KDM4A: variants seen among roughly 807,000 people sequenced by gnomAD.
KDM4A encodes lysine demethylase 4A.
A neutral mutation model predicts 127.1 loss-of-function variants in KDM4A; 23 were observed. The ratio of observed to expected loss-of-function variants is 0.18; its 90% CI spans 0.13 to 0.26. KDM4A has a LOEUF of 0.26. KDM4A is among the 10% of genes least tolerant of loss of function. The pLI, the probability that KDM4A is intolerant of heterozygous loss-of-function variation, is 1.00. For missense variants in KDM4A, 890 were observed against 1,329.1 expected (o/e 0.67, Z 5.14); for synonymous variants, 443 against 466.5 (o/e 0.95, Z 0.65).
intron 12 of KDM4A, among the ~76,000 whole-genome samples, chr1:43,685,919 A>G (rs996819752): frequency 2.6e-5 from 4 of 152,292 alleles, no homozygotes; most frequent in Admixed American, 6.5e-5. Flanking sequence ...TTCTCTGGGT[A>G]GCACCTGCCT....
intron 6 of KDM4A, 94 bp downstream of exon 6, chr1:43,665,839 T>C: frequency 7.6e-7 from 1 of 1,320,370 alleles, no homozygotes; most frequent in Non-Finnish European, 1.1e-6. Context: ...GTCAGATACT[T>C]GCAGGTCCTG....
intron 13 of KDM4A, chr1:43,690,495 G>A (rs1459954778): frequency 1.4e-5 from 5 of 349,426 alleles, no homozygotes; most frequent in Admixed American, 4.0e-5. Context: ...TGATCCACCC[G>A]CCTCGGCCTC....
intron 11 of KDM4A, among the ~76,000 whole-genome samples, chr1:43,683,246 C>A (rs1660897198): frequency 6.6e-6 from 1 of 152,248 alleles, no homozygotes; most frequent in Admixed American, 6.5e-5. Flanking sequence ...CCTAGACACT[C>A]CTGGGTGGCC....
At position 43,705,237 on chromosome 1, in the gene KDM4A, A is replaced by C. The variant is rs956165216; in HGVS notation, c.*867A>C. 7.5e-6 allele frequency: 1 copy of C among 134,146 alleles called. No individual in the cohort carries two copies. Among genetic ancestry groups the C allele is most frequent in the Non-Finnish European group, 1.5e-5 (1 of 65,436 alleles). The allele number at this position is 134,146 out of a possible 1,614,324, so 8.3% of individuals were successfully genotyped here. A position where few individuals can be genotyped will look rare whatever the true frequency, so the allele number is the denominator to read the frequency against. ...GGGGCTGGGAGGGTTAGGATGAAAA[A>C]ACTGGGGCCATTGGAGGCCCACTGT... On this transcript the variant is annotated 3_prime_UTR_variant, in exon 22 of 22. Transcript: ENST00000372396.
rs191001890 is a variant in KDM4A at position 43,657,062 on chromosome 1, C to T, written c.314+1296C>T. 4.1e-3 allele frequency among the ~76,000 whole-genome samples: 619 copies of T among 152,146 alleles called. 4 individuals carry two copies. Among genetic ancestry groups the T allele is most frequent in the Non-Finnish European group, 4.5e-3 (303 of 67,998 alleles). On this transcript the variant is annotated intron_variant, in intron 3 of 21. Coordinates refer to ENST00000372396, the MANE Select transcript of KDM4A (RefSeq NM_014663.3). ...GGAGGTATAGATAGGCATGTGCTACCGCGCTCAGCTAATATTTTTTATTAT... is the reference window on the plus strand; with the variant it reads ...GGAGGTATAGATAGGCATGTGCTACTGCGCTCAGCTAATATTTTTTATTAT...
chr1:43,703,951 C>T (rs1330991411), intron 20 of KDM4A, 69 bp from the exon 21 acceptor site: 1 of 1,404,612 alleles, frequency 7.1e-7, no homozygotes, highest in African/African-American at 1.4e-5. Context: ...AGGGGACTGC[C>T]ACTGTGCATG....
intron 10 of KDM4A, among the ~76,000 whole-genome samples, chr1:43,670,245 C>T (rs902430900): frequency 3.9e-5 from 6 of 152,118 alleles, no homozygotes; most frequent in Non-Finnish European, 7.3e-5. Flanking sequence ...TCAGGTATGA[C>T]CCAAAGATGT....
At chr1:43,683,875 G>C (rs1418139941) in intron 12 of KDM4A, 71 bp downstream of exon 12, 9 of 1,571,238 alleles carry the variant, frequency 5.7e-6, no homozygotes. Flanking sequence ...CAGGACATCA[G>C]AAGGCCAAGC....
intron 11 of KDM4A, among the ~76,000 whole-genome samples, chr1:43,674,476 A>C (rs778655582): frequency 2.6e-5 from 4 of 151,772 alleles, no homozygotes; most frequent in Non-Finnish European, 4.4e-5. Flanking sequence ...AAAATGATTG[A>C]AGAAAGTGAC....
chr1:43,672,157 G>A (rs1291054525), intron 11 of KDM4A, among the ~76,000 whole-genome samples: 3 of 152,008 alleles, frequency 2.0e-5, no homozygotes, highest in African/African-American at 7.2e-5. Context: ...AGTCACAGCA[G>A]CAGATCCTCC....
Position 43,653,216 on chromosome 1 carries a change from T to A in KDM4A, c.41T>A (p.Ile14Lys). The A allele has an allele frequency of 6.2e-7, 1 of 1,614,040 alleles. No individual in the cohort carries two copies. Among genetic ancestry groups the A allele is most frequent in the Non-Finnish European group, 8.5e-7 (1 of 1,179,938 alleles). ...GAAACTCTGAATCCCAGTGCTAGGA[T>A]AATGACCTTTTATCCAACTATGGAA... ...ESETLNPSAR[I>K]MTFYPTMEEF... The change falls in exon 2 of 22, where the codon ATA becomes AAA. Residue 14 changes from isoleucine to lysine, a missense_variant. Coordinates refer to ENST00000372396, the MANE Select transcript of KDM4A (RefSeq NM_014663.3).
chr1:43,691,428 G>C, intron 14 of KDM4A, 68 bp from the exon 15 acceptor site: 1 of 1,287,222 alleles, frequency 7.8e-7, no homozygotes. Flanking sequence ...TATATGGAAA[G>C]GAATTGCAAA....
chr1:43,655,762 G>A lies in KDM4A; in HGVS notation c.310G>A (p.Asp104Asn), dbSNP rs779410410. 1.9e-6 allele frequency: 3 copies of A among 1,607,518 alleles called. No individual in the cohort carries two copies. Among genetic ancestry groups the A allele is most frequent in the Admixed American group, 1.7e-5 (1 of 59,286 alleles). ...VREFRKIANS[D>N]KYCTPRYSEF... Reference sequence around the variant, plus strand: ...AGAGTTCCGCAAGATAGCCAATAGCGATAAGTGAGTGGAAACCCTTTCTTA... The same window carrying A: ...AGAGTTCCGCAAGATAGCCAATAGCAATAAGTGAGTGGAAACCCTTTCTTA... Residue 104 changes from aspartate (D) to asparagine (N), a missense_variant, in exon 3 of 22, where the codon GAT becomes AAT. Transcript: ENST00000372396.
intron 2 of KDM4A, 106 bp from the exon 3 acceptor site, chr1:43,655,485 T>G: frequency 2.1e-6 from 2 of 942,220 alleles, no homozygotes; most frequent in Admixed American, 5.0e-5. Flanking sequence ...AAAGTAACTG[T>G]CTAGTAAAAT....
At chr1:43,654,449 ATTCTTTT>A (rs1660188195) in intron 2 of KDM4A, among the ~76,000 whole-genome samples, 1 of 151,152 alleles carries the variant, frequency 6.6e-6, no homozygotes, top group Non-Finnish European at 1.5e-5. Context: ...TGGTTCGTTC[ATTCTTTT>A]TTCTTTTTTT....
intron 10 of KDM4A, among the ~76,000 whole-genome samples, chr1:43,669,720 C>T (rs1296751020): frequency 6.6e-6 from 1 of 150,944 alleles, no homozygotes; most frequent in African/African-American, 2.4e-5. Flanking sequence ...GCAATCTTGG[C>T]TCACTGCAAC....
At chr1:43,654,654 G>A (rs552616851) in intron 2 of KDM4A, among the ~76,000 whole-genome samples, 8 of 150,748 alleles carry the variant, frequency 5.3e-5, no homozygotes, top group South Asian at 2.1e-4. Flanking sequence ...CTCCCTTTCC[G>A]TATTTTCTTA....
chr1:43,674,216 T>C (rs1371300242), intron 11 of KDM4A, among the ~76,000 whole-genome samples: 1 of 152,230 alleles, frequency 6.6e-6, no homozygotes, highest in Non-Finnish European at 1.5e-5. Flanking sequence ...GTGCCGTGAT[T>C]TCAGGTGTGA....
chr1:43,652,679 C>CTTTTTTT (rs771216218), intron 1 of KDM4A, among the ~76,000 whole-genome samples: 1 of 118,766 alleles, frequency 8.4e-6, no homozygotes. Context: ...TTCTTTCTTT[C>CTTTTTTT]TTTTTTTTTT....
Sources: gnomAD v4.1 joint callset for allele counts (sites outside exome capture counted in the v4.1 genomes callset) on GRCh38, gnomAD v4.1.1 for gene constraint, MANE v1.5 for transcripts, NCBI Gene and HGNC (gene_info 2026-07-23, HGNC 2026-07-21) for gene names.